Variants in CFB observed in about 807,000 individuals in gnomAD.
CFB encodes the protein B-factor, properdin.
In CFB, 59 loss-of-function variants were observed where a neutral mutation model predicts 97.2. That is an observed-to-expected ratio of 0.61 (90% confidence interval 0.49 to 0.75). The LOEUF is 0.75. Among genes scored for constraint, CFB ranks in the 30% least tolerant of loss-of-function variants. The pLI, the probability that CFB is intolerant of heterozygous loss-of-function variation, is 0.00. For missense variants in CFB, 771 were observed against 959.8 expected, an observed-to-expected ratio of 0.80 and a Z score of 2.60; for synonymous variants, 316 against 351.7, an observed-to-expected ratio of 0.90 and a Z score of 1.14.
At position 31,947,361 on chromosome 6, in the gene CFB, C is replaced by T. The variant is rs1343536374; in HGVS notation, c.498C>T (p.Ser166=). ...AICDNGAGYC[S]NPGIPIGTRK... ...ATACCTCTGCAGCGGGGTACTGCTC[C>T]AACCCGGGCATCCCCATTGGCACAA... Residue 166 remains serine, a synonymous_variant, in exon 4 of 18, where the codon TCC becomes TCT. Coordinates refer to ENST00000425368, the MANE Select transcript of CFB (RefSeq NM_001710.6). The surrounding 1 kb of genome is among the most constrained non-coding windows in gnomAD (Gnocchi z 5.3). 6 of 1,612,898 alleles carry T rather than the reference C, an allele frequency of 3.7e-6. No homozygotes were observed. The highest frequency in any genetic ancestry group is 4.2e-6 in the Non-Finnish European group (5 of 1,180,030).
chr6:31,947,240 C>A lies in CFB; in HGVS notation c.484+48C>A, dbSNP rs377314775. 1 of 1,611,266 alleles carries A rather than the reference C, an allele frequency of 6.2e-7. No individual in the cohort carries two copies. The highest frequency in any genetic ancestry group is 1.1e-5 in the South Asian group (1 of 91,064). On this transcript the variant is annotated intron_variant, in intron 3 of 17. Coordinates refer to ENST00000425368, the MANE Select transcript of CFB (RefSeq NM_001710.6). The surrounding 1 kb of genome is among the most constrained non-coding windows in gnomAD (Gnocchi z 5.3). ...ACATTGCTGTCTCCCTGACGGCGCC[C>A]AGCCCGAGGAGTGGGCACTCGGCTC...
intron 6 of CFB, 29 bp downstream of exon 6, chr6:31,948,110 G>T: frequency 1.2e-6 from 2 of 1,607,246 alleles, no homozygotes; most frequent in Non-Finnish European, 1.7e-6. Flanking sequence ...TGAACTCGGG[G>T]GAATGGAATC....
chr6:31,949,664 A>G, intron 10 of CFB, 107 bp downstream of exon 10: 1 of 1,354,340 alleles, frequency 7.4e-7, no homozygotes, highest in Non-Finnish European at 1.0e-6. Context: ...AGCCTTCTTC[A>G]TTCCTCCTTC....
At chr6:31,948,800 G>T (rs1467829850) in intron 7 of CFB, 30 bp from the exon 8 acceptor site, 1 of 1,612,978 alleles carries the variant, frequency 6.2e-7, no homozygotes. Context: ...GGAAGACCAG[G>T]TGAGGTGATG....
In CFB at chr6:31,950,278, G is replaced by A; in HGVS notation, c.1507-8G>A. 6.2e-7 allele frequency: 1 copy of A among 1,612,374 alleles called. No individual in the cohort carries two copies. Among genetic ancestry groups the A allele is most frequent in the African/African-American group, 1.3e-5 (1 of 75,022 alleles). On this transcript the variant is annotated splice_polypyrimidine_tract_variant and splice_region_variant and intron_variant, in intron 11 of 17. Transcript: ENST00000425368. ...TTGAGCTTTCCCTCTCTACTGTTGT[G>A]TCCCCAGCGCCCTTCAAAGGGACAC...
At position 31,950,031 on chromosome 6, in the gene CFB, C is replaced by T. The variant is rs777311237; in HGVS notation, c.1409-19C>T. On this transcript the variant is annotated intron_variant, in intron 10 of 17. Transcript: ENST00000425368. ...AATGAAGTGTTCCGAGTTTTCAGCA[C>T]ATTCTCCTTCTCTGCCAGATGAAAG... is the stretch of plus-strand genomic sequence containing the variant. 6.2e-7 allele frequency: 1 copy of T among 1,612,042 alleles called. No homozygotes were observed. The highest frequency in any genetic ancestry group is 1.1e-5 in the South Asian group (1 of 91,056).
chr6:31,950,165 G>A lies in CFB; in HGVS notation c.1506+18G>A. 6.2e-7 allele frequency: 1 copy of A among 1,612,622 alleles called. No individual in the cohort carries two copies. Among genetic ancestry groups the A allele is most frequent in the South Asian group, 1.1e-5 (1 of 91,080 alleles). On this transcript the variant is annotated intron_variant, in intron 11 of 17. Transcript: ENST00000425368. ...CAGTCATTGTAAGCACAGAATCCCAGTAGTGGGGACTTGGGGGAGGTGAGG... is the reference window on the plus strand; with the variant it reads ...CAGTCATTGTAAGCACAGAATCCCAATAGTGGGGACTTGGGGGAGGTGAGG...
Position 31,947,857 on chromosome 6 carries a change from G to A in CFB, c.760+14G>A, listed in dbSNP as rs1313608337. ...GGCACGGCCCAGGTTTGAAGACAGA[G>A]AAGGGAGGCAGGGCAGGGAACTGGG... On this transcript the variant is annotated intron_variant, in intron 5 of 17. Coordinates refer to ENST00000425368, the MANE Select transcript of CFB (RefSeq NM_001710.6). This position sits in a 1 kb window ranked among gnomAD's most constrained non-coding sequence, Gnocchi z 5.3. 2 of 1,613,928 alleles carry A rather than the reference G, an allele frequency of 1.2e-6. No homozygotes were observed. The highest frequency in any genetic ancestry group is 1.7e-5 in the Admixed American group (1 of 60,008).
chr6:31,950,399 C>A lies in CFB; in HGVS notation c.1620C>A (p.Ser540Arg), dbSNP rs773378642. 3.7e-6 allele frequency: 6 copies of A among 1,612,158 alleles called. No homozygotes were observed. Among genetic ancestry groups the A allele is most frequent in the Non-Finnish European group, 5.1e-6 (6 of 1,179,706 alleles). ...VDDKEHSIKV[S>R]VGGEKRDLEI... ...ACAAGGAACACTCAATCAAGGTCAGCGTAGGTAAGGATGCAACTGAAGGTC... is the reference window on the plus strand; with the variant it reads ...ACAAGGAACACTCAATCAAGGTCAGAGTAGGTAAGGATGCAACTGAAGGTC... The change falls in exon 12 of 18, where the codon AGC (serine) becomes AGA (arginine). Residue 540 changes from serine to arginine, a missense_variant. Coordinates refer to ENST00000425368, the MANE Select transcript of CFB (RefSeq NM_001710.6).
At position 31,946,247 on chromosome 6, in the gene CFB, T is replaced by A. The variant is rs4151667; in HGVS notation, c.26T>A (p.Leu9His). The change falls in exon 1 of 18, where the codon CTC (leucine) becomes CAC (histidine). Residue 9 changes from leucine (L) to histidine (H), a missense_variant. Coordinates refer to ENST00000425368, the MANE Select transcript of CFB (RefSeq NM_001710.6). This position sits in a 1 kb window ranked among gnomAD's most constrained non-coding sequence, Gnocchi z 6.4. MGSNLSPQLCLMPFILGLL... is the reference protein window; with the variant it reads MGSNLSPQHCLMPFILGLL... ...ATGGGGAGCAATCTCAGCCCCCAAC[T>A]CTGCCTGATGCCCTTTATCTTGGGC... The A allele has an allele frequency of 0.042, 67,811 of 1,613,062 alleles. 1,538 individuals carry two copies. The highest frequency in any genetic ancestry group is 0.052 in the South Asian group (4,729 of 91,086).
In CFB at chr6:31,950,700, T is replaced by C. The variant is rs1424655134; in HGVS notation, c.1706T>C (p.Ile569Thr). ...YNINGKKEAG[I>T]PEFYDYDVAL... ...ATTAATGGGAAAAAAGAAGCAGGAA[T>C]TCCTGAATTTTATGACTATGACGTT... Residue 569 changes from isoleucine (I) to threonine (T), a missense_variant, in exon 13 of 18, where the codon ATT becomes ACT. Transcript: ENST00000425368. 1 of 1,612,910 alleles carries C rather than the reference T, an allele frequency of 6.2e-7. No individual in the cohort carries two copies.
At position 31,947,777 on chromosome 6, in the gene CFB, G is replaced by A. The variant is rs141965248; in HGVS notation, c.694G>A (p.Glu232Lys). The A allele has an allele frequency of 3.6e-5, 58 of 1,613,178 alleles. No homozygotes were observed. The highest frequency in any genetic ancestry group is 4.6e-5 in the Non-Finnish European group (54 of 1,180,046). Residue 232 changes from glutamate (E) to lysine (K), a missense_variant, in exon 5 of 18, where the codon GAA becomes AAA. By Grantham distance (56) the Glu-to-Lys change is moderately conservative. Transcript: ENST00000425368. The surrounding 1 kb of genome is among the most constrained non-coding windows in gnomAD (Gnocchi z 5.3). ...FMYDTPQEVA[E>K]AFLSSLTETI... ...GTACGACACCCCTCAAGAGGTGGCC[G>A]AAGCTTTCCTGTCTTCCCTGACAGA...
Position 31,950,413 on chromosome 6 carries a change from CA to C in CFB, c.1624+12del. 6.2e-7 allele frequency: 1 copy of C among 1,608,234 alleles called. No homozygotes were observed. The highest frequency in any genetic ancestry group is 8.5e-7 in the Non-Finnish European group (1 of 1,176,686). Reference sequence around the variant, plus strand: ...ATCAAGGTCAGCGTAGGTAAGGATGCAACTGAAGGTCCTGGGCTGCACCTAT... The same window carrying C: ...ATCAAGGTCAGCGTAGGTAAGGATGCACTGAAGGTCCTGGGCTGCACCTAT... On this transcript the variant is annotated intron_variant, in intron 12 of 17. Coordinates refer to ENST00000425368, the MANE Select transcript of CFB (RefSeq NM_001710.6).
rs1419693489 is a variant in CFB, at chr6:31,951,310, T to A, written c.1957-31T>A. The A allele has an allele frequency of 5.6e-6, 9 of 1,613,918 alleles. No individual in the cohort carries two copies. Among genetic ancestry groups the A allele is most frequent in the Non-Finnish European group, 7.6e-6 (9 of 1,180,034 alleles). The stretch of plus-strand genomic sequence containing the variant: ...TCCTTCCTAAGCCACTTCTGTTCAT[T>A]ACTTCTCCATGCTTCCCACCTCCCC... On this transcript the variant is annotated intron_variant, in intron 15 of 17. Coordinates refer to ENST00000425368, the MANE Select transcript of CFB (RefSeq NM_001710.6). The surrounding 1 kb of genome is among the most constrained non-coding windows in gnomAD (Gnocchi z 4.3).
Position 31,951,180 on chromosome 6 carries a change from T to C in CFB, c.1892T>C (p.Leu631Pro). ...ELLPAQDIKA[L>P]FVSEEEKKLT... ...CTCCCTGCACAGGATATCAAAGCTC[T>C]GTTTGTGTCTGAGGAGGAGAAAAAG... Residue 631 changes from leucine to proline, a missense_variant, in exon 15 of 18, where the codon CTG becomes CCG. Leu to Pro is a moderately conservative substitution (Grantham distance 98). Coordinates refer to ENST00000425368, the MANE Select transcript of CFB (RefSeq NM_001710.6). This position sits in a 1 kb window ranked among gnomAD's most constrained non-coding sequence, Gnocchi z 4.3. 6.2e-7 allele frequency: 1 copy of C among 1,612,996 alleles called. No individual in the cohort carries two copies.
chr6:31,950,731 G>C lies in CFB; in HGVS notation c.1737G>C (p.Leu579=), dbSNP rs1219247177. 2 of 1,613,082 alleles carry C rather than the reference G, an allele frequency of 1.2e-6. No individual in the cohort carries two copies. The highest frequency in any genetic ancestry group is 1.6e-4 in the Middle Eastern group (1 of 6,062). ...IPEFYDYDVA[L]IKLKNKLKYG... ...AATTTTATGACTATGACGTTGCCCT[G>C]ATCAAGCTCAAGAATAAGCTGAAAT... is the stretch of plus-strand genomic sequence containing the variant. The change falls in exon 13 of 18, where the codon CTG becomes CTC. Residue 579 remains leucine, a synonymous_variant. Coordinates refer to ENST00000425368, the MANE Select transcript of CFB (RefSeq NM_001710.6).
Position 31,947,362 on chromosome 6 carries a change from A to G in CFB, c.499A>G (p.Asn167Asp). 1 of 1,612,992 alleles carries G rather than the reference A, an allele frequency of 6.2e-7. No individual in the cohort carries two copies. The highest frequency in any genetic ancestry group is 8.5e-7 in the Non-Finnish European group (1 of 1,180,002). The change falls in exon 4 of 18, where the codon AAC becomes GAC. Residue 167 changes from asparagine (N) to aspartate (D), a missense_variant. Physicochemically the swap from Asn to Asp is conservative, Grantham distance 23. Coordinates refer to ENST00000425368, the MANE Select transcript of CFB (RefSeq NM_001710.6). This position sits in a 1 kb window ranked among gnomAD's most constrained non-coding sequence, Gnocchi z 5.3. ...ICDNGAGYCS[N>D]PGIPIGTRKV... ...TACCTCTGCAGCGGGGTACTGCTCC[A>G]ACCCGGGCATCCCCATTGGCACAAG... is the stretch of plus-strand genomic sequence containing the variant.
rs759317278 is a variant in CFB at position 31,948,980 on chromosome 6, C to T, written c.1168+19C>T. 3.1e-5 allele frequency: 50 copies of T among 1,612,770 alleles called. No homozygotes were observed. The South Asian group carries it at 4.8e-4, about 16-fold the overall frequency. On this transcript the variant is annotated intron_variant, in intron 8 of 17. Transcript: ENST00000425368. ...ACTGATGGTCAGAAGGGACCTCTCT[C>T]CTGTCCCAGCCTCCCCACCTTCTCA...
chr6:31,950,114 C>A lies in CFB; in HGVS notation c.1473C>A (p.His491Gln), dbSNP rs909919539. ...VWEHRKGTDY[H>Q]KQPWQAKISV... is the part of the protein sequence containing the mutation. ...AACACAGGAAGGGTACCGATTACCACAAGCAACCATGGCAGGCCAAGATCT... is the reference window on the plus strand; with the variant it reads ...AACACAGGAAGGGTACCGATTACCAAAAGCAACCATGGCAGGCCAAGATCT... Residue 491 changes from histidine (H) to glutamine (Q), a missense_variant, in exon 11 of 18, where the codon CAC (histidine) becomes CAA (glutamine). Coordinates refer to ENST00000425368, the MANE Select transcript of CFB (RefSeq NM_001710.6). 1.2e-6 allele frequency: 2 copies of A among 1,612,942 alleles called. No individual in the cohort carries two copies.
Sources: allele counts gnomAD v4.1 joint callset, GRCh38; gene constraint gnomAD v4.1.1; non-coding constraint Gnocchi (gnomAD v3.1); transcripts MANE v1.5; gene names NCBI Gene and HGNC (gene_info 2026-07-23, HGNC 2026-07-21).